Variants in CACNA1A observed in about 807,000 individuals in gnomAD.
CACNA1A encodes voltage-dependent P/Q-type calcium channel subunit alpha-1A.
A neutral mutation model predicts 262.4 loss-of-function variants in CACNA1A; 57 were observed. That is an observed-to-expected ratio of 0.22 (90% CI 0.18 to 0.27). CACNA1A has a LOEUF of 0.27. CACNA1A is among the 10% of genes least tolerant of loss of function. The pLI, the probability that CACNA1A is intolerant of heterozygous loss-of-function variation, is 1.00. For synonymous variants in CACNA1A, 1,431 were observed against 1,419.3 expected (o/e 1.01, Z -0.18); for missense variants, 2,526 against 3,562.8 (o/e 0.71, Z 7.41).
chr19:13,335,783 G>T (rs1396089994), intron 7 of CACNA1A, 23 bp downstream of exon 7: 10 of 1,456,314 alleles, frequency 6.9e-6, no homozygotes, highest in East Asian at 2.3e-5. Context: ...AGTGGGATGG[G>T]GTGGGGAGTA....
intron 12 of CACNA1A, among the ~76,000 whole-genome samples, chr19:13,311,993 C>T (rs1423428503): frequency 6.6e-6 from 1 of 152,184 alleles, no homozygotes; most frequent in Non-Finnish European, 1.5e-5. Context: ...GCTGCAGGGA[C>T]ATTCTGGCCT....
chr19:13,397,853 T>C (rs2059835372), intron 3 of CACNA1A, among the ~76,000 whole-genome samples: 1 of 152,146 alleles, frequency 6.6e-6, no homozygotes, highest in African/African-American at 2.4e-5. Flanking sequence ...TGGCTTGATA[T>C]CAAGAAGCAT....
chr19:13,429,898 G>C (rs1025306123), intron 3 of CACNA1A, among the ~76,000 whole-genome samples: 21 of 150,584 alleles, frequency 1.4e-4, no homozygotes, highest in Non-Finnish European at 2.5e-4. Flanking sequence ...CTACTCACAG[G>C]GGGGACCCAA....
At position 13,239,295 on chromosome 19, in the gene CACNA1A, C is replaced by T. The variant is rs147699604; in HGVS notation, c.4951-3565G>A. ...CATTCCCTCGCTTGCAGATCCTGAC[C>T]CCTCACAGGTTCCGTCCCACCACAG... On this transcript the variant is annotated intron_variant, in intron 31 of 46. Transcript: ENST00000360228. Among the ~76,000 whole-genome samples, 465 of 152,302 alleles carry T rather than the reference C, an allele frequency of 3.1e-3. 2 individuals carry two copies. Among genetic ancestry groups the T allele is most frequent in the Middle Eastern group, 6.8e-3 (2 of 294 alleles).
chr19:13,506,299 G>C lies in CACNA1A; in HGVS notation c.-75C>G. On this transcript the variant is annotated 5_prime_UTR_variant, in exon 1 of 47. Coordinates refer to ENST00000360228, the MANE Select transcript of CACNA1A (RefSeq NM_001127222.2). ...AGACGCCGCCGCCGCCGCCGCCGCCGCTGATGCTGAGGCTGCCGGGGCTGG... is the reference window on the plus strand; with the variant it reads ...AGACGCCGCCGCCGCCGCCGCCGCCCCTGATGCTGAGGCTGCCGGGGCTGG... 1.5e-6 allele frequency: 2 copies of C among 1,308,488 alleles called. No homozygotes were observed. Among genetic ancestry groups the C allele is most frequent in the Non-Finnish European group, 2.0e-6 (2 of 1,012,194 alleles). The allele number at this position is 1,308,488 out of a possible 1,614,324, so 81.1% of individuals were successfully genotyped here. A position where few individuals can be genotyped will look rare whatever the true frequency, so the allele number is the denominator to read the frequency against.
At chr19:13,287,344 C>G (rs2057427729) in intron 19 of CACNA1A, among the ~76,000 whole-genome samples, 1 of 151,864 alleles carries the variant, frequency 6.6e-6, no homozygotes. Flanking sequence ...GAGTGAGACC[C>G]TGTCACCAAA....
chr19:13,292,641 G>A (rs2057569291), intron 19 of CACNA1A, among the ~76,000 whole-genome samples: 1 of 151,978 alleles, frequency 6.6e-6, no homozygotes, highest in East Asian at 1.9e-4. Flanking sequence ...TCAATATGCT[G>A]GAGAATGAAA....
chr19:13,423,500 C>CT (rs1431195380), intron 3 of CACNA1A, among the ~76,000 whole-genome samples: 36 of 151,786 alleles, frequency 2.4e-4, no homozygotes, highest in Admixed American at 2.4e-3. Context: ...AGAGAATTTT[C>CT]TTTTCTTTTC....
At chr19:13,392,056 A>G (rs914154624) in intron 3 of CACNA1A, among the ~76,000 whole-genome samples, 1 of 151,136 alleles carries the variant, frequency 6.6e-6, no homozygotes, top group Non-Finnish European at 1.5e-5. Flanking sequence ...AAGAAAAAAA[A>G]GAAAATCAGC....
intron 6 of CACNA1A, 49 bp from the exon 7 acceptor site, chr19:13,335,958 A>T (rs1471305974): frequency 1.0e-5 from 11 of 1,098,040 alleles, no homozygotes; most frequent in Non-Finnish European, 1.5e-5. Context: ...TGGGACTCAG[A>T]TAGAACCTGA....
intron 1 of CACNA1A, among the ~76,000 whole-genome samples, chr19:13,505,153 G>A (rs577805579): frequency 3.0e-4 from 46 of 152,202 alleles, no homozygotes; most frequent in African/African-American, 1.1e-3. Context: ...GTCTTCCCAG[G>A]CCAGGGGCCC....
chr19:13,339,389 T>C (rs1475195967), intron 6 of CACNA1A, among the ~76,000 whole-genome samples: 1 of 151,204 alleles, frequency 6.6e-6, no homozygotes, highest in Non-Finnish European at 1.5e-5. Context: ...GAACAGGGAG[T>C]TCGCGTTTAG....
chr19:13,494,408 A>T (rs148585298), intron 1 of CACNA1A, among the ~76,000 whole-genome samples: 4 of 152,352 alleles, frequency 2.6e-5, no homozygotes, highest in Non-Finnish European at 5.9e-5. Flanking sequence ...AGAAACAGTG[A>T]TGCAGGCAGA....
intron 3 of CACNA1A, among the ~76,000 whole-genome samples, chr19:13,378,149 G>C (rs1259534386): frequency 7.2e-5 from 11 of 152,188 alleles, no homozygotes; most frequent in African/African-American, 2.7e-4. Context: ...GAACTAGCAA[G>C]AGAACTAGAG....
intron 1 of CACNA1A, among the ~76,000 whole-genome samples, chr19:13,476,194 G>C (rs925520233): frequency 1.3e-5 from 2 of 152,180 alleles, no homozygotes; most frequent in Admixed American, 1.3e-4. Context: ...ATCTGGACAA[G>C]AGTTGGATGA....
chr19:13,285,468 C>G (rs909789435), intron 20 of CACNA1A, among the ~76,000 whole-genome samples: 1 of 152,146 alleles, frequency 6.6e-6, no homozygotes, highest in African/African-American at 2.4e-5. Context: ...AGTGGCAGAG[C>G]TGGCATTTGG....
intron 46 of CACNA1A, 40 bp from the exon 47 acceptor site, chr19:13,208,093 T>TACA (rs1480918137): frequency 1.2e-5 from 13 of 1,057,936 alleles, no homozygotes; most frequent in Non-Finnish European, 1.5e-5. Context: ...AAAAAAAAGA[T>TACA]ACAACAAAAT....
chr19:13,227,225 C>T (rs939596915), intron 37 of CACNA1A: 21 of 338,848 alleles, frequency 6.2e-5, no homozygotes, highest in South Asian at 2.1e-4. Context: ...TCAGAAAGGA[C>T]GGACACAGTG....
chr19:13,305,341 G>C (rs2057878261), intron 15 of CACNA1A, among the ~76,000 whole-genome samples: 1 of 152,180 alleles, frequency 6.6e-6, no homozygotes, highest in African/African-American at 2.4e-5. Flanking sequence ...GAAAGACCAA[G>C]GCAAAGGATT....
Sources: allele counts gnomAD v4.1 joint callset (sites outside exome capture counted in the v4.1 genomes callset), GRCh38; gene constraint gnomAD v4.1.1; transcripts MANE v1.5; gene names NCBI Gene and HGNC (gene_info 2026-07-23, HGNC 2026-07-21).